KCNH5: variants seen among roughly 807,000 people sequenced by gnomAD.
The protein encoded by KCNH5 is potassium voltage-gated channel subfamily H member 5, also known as voltage-gated delayed rectifier potassium channel KCNH5.
Under a neutral mutation model 96.1 loss-of-function variants are expected in KCNH5, and 46 were observed. That is an observed-to-expected ratio of 0.48 (90% CI 0.38 to 0.61). KCNH5 has a LOEUF of 0.61. KCNH5 is among the 20% of genes least tolerant of loss of function. The probability of loss-of-function intolerance (pLI) is 0.00; values close to 1 mark genes in which losing one functional copy is unlikely to be tolerated. For missense variants in KCNH5, 907 were observed against 1,225.8 expected (o/e 0.74, Z 3.88); for synonymous variants, 439 against 449.8 (o/e 0.98, Z 0.30).
intron 7 of KCNH5, among the ~76,000 whole-genome samples, chr14:62,894,686 A>C (rs1888777145): frequency 6.6e-6 from 1 of 152,226 alleles, no homozygotes; most frequent in South Asian, 2.1e-4. Context: ...CATTTGCTGA[A>C]TTACAAGCAA....
chr14:62,827,653 T>C lies in KCNH5; in HGVS notation c.1569+22000A>G, dbSNP rs1887253933. On this transcript the variant is annotated intron_variant, in intron 8 of 10. Transcript: ENST00000322893. The stretch of plus-strand genomic sequence containing the variant: ...AAGAAGTCTGTTGTCAACTTTGTCA[T>C]TTTACTCTGTAAGTGACCAGGTTTT... 2.0e-5 allele frequency among the ~76,000 whole-genome samples: 3 copies of C among 152,322 alleles called. No individual in the cohort carries two copies. The South Asian group carries it at 6.2e-4, about 32-fold the overall frequency.
chr14:62,861,578 T>C (rs1888032956), intron 7 of KCNH5, among the ~76,000 whole-genome samples: 1 of 151,802 alleles, frequency 6.6e-6, no homozygotes, highest in Non-Finnish European at 1.5e-5. Flanking sequence ...TCTATTTTGT[T>C]TCTATTTTTT....
chr14:62,901,886 A>T (rs1348166450), intron 7 of KCNH5, among the ~76,000 whole-genome samples: 1 of 152,194 alleles, frequency 6.6e-6, no homozygotes, highest in Non-Finnish European at 1.5e-5. Flanking sequence ...CCTCACCAGC[A>T]TCTATTTTTA....
chr14:63,004,850 G>A (rs922342371), intron 3 of KCNH5, among the ~76,000 whole-genome samples: 1 of 152,102 alleles, frequency 6.6e-6, no homozygotes, highest in African/African-American at 2.4e-5. Context: ...CAGGAACTAT[G>A]GACTTGTCTT....
intron 7 of KCNH5, among the ~76,000 whole-genome samples, chr14:62,932,479 A>G (rs2140116780): frequency 6.6e-6 from 1 of 151,668 alleles, no homozygotes; most frequent in South Asian, 2.1e-4. Context: ...TGAGATTAAA[A>G]AAAAAAAAAA....
At chr14:62,908,827 T>C (rs867963519) in intron 7 of KCNH5, among the ~76,000 whole-genome samples, 1 of 128,162 alleles carries the variant, frequency 7.8e-6, no homozygotes, top group Middle Eastern at 4.1e-3. Context: ...GTAATAAATC[T>C]TAGTCATGAG....
chr14:62,779,858 A>C lies in KCNH5; in HGVS notation c.1889T>G (p.Val630Gly). The C allele has an allele frequency of 6.2e-7, 1 of 1,613,612 alleles. No homozygotes were observed. The highest frequency in any genetic ancestry group is 8.5e-7 in the Non-Finnish European group (1 of 1,179,748). Residue 630 changes from valine (V) to glycine (G), a missense_variant, in exon 10 of 11, where the codon GTC becomes GGC. Physicochemically the swap from Val to Gly is moderately radical, Grantham distance 109. This residue lies in a region of KCNH5 where 57 missense variants were observed against 76.0 expected (regional missense o/e 0.75). Transcript: ENST00000322893. ...ETTLAHACAN[V>G]RALTYCDLHI... The stretch of plus-strand genomic sequence containing the variant: ...TAGGTCACAGTACGTCAGTGCCCGG[A>C]CGTTCGCACATGCATGGGCAAGGGT...
At chr14:62,825,745 TTTTC>T (rs1033085072) in intron 8 of KCNH5, among the ~76,000 whole-genome samples, 46 of 151,954 alleles carry the variant, frequency 3.0e-4, no homozygotes, top group African/African-American at 4.6e-4. Flanking sequence ...TTCCTTTCTT[TTTTC>T]TTTCTGTCTC....
intron 1 of KCNH5, among the ~76,000 whole-genome samples, chr14:63,017,450 TAATTTAAAATAG>T (rs1460743519): frequency 6.6e-6 from 1 of 151,922 alleles, no homozygotes; most frequent in Non-Finnish European, 1.5e-5. Flanking sequence ...TTGAAAAGTC[TAATTTAAAATAG>T]AATTTAAAAG....
At chr14:63,022,764 T>A (rs1217476665) in intron 1 of KCNH5, among the ~76,000 whole-genome samples, 3 of 152,170 alleles carry the variant, frequency 2.0e-5, no homozygotes, top group African/African-American at 7.2e-5. Flanking sequence ...TTTATTTAGA[T>A]CTTAACTCAA....
At chr14:62,752,799 C>A (rs1885531155) in intron 10 of KCNH5, among the ~76,000 whole-genome samples, 1 of 152,126 alleles carries the variant, frequency 6.6e-6, no homozygotes, top group Admixed American at 6.5e-5. Flanking sequence ...GTTCCCCCTC[C>A]CTCTCTCTCC....
chr14:62,853,760 A>C (rs1227968687), intron 7 of KCNH5, among the ~76,000 whole-genome samples: 2 of 151,696 alleles, frequency 1.3e-5, no homozygotes, highest in African/African-American at 4.8e-5. Flanking sequence ...CTGTAATCTC[A>C]GCATTTTGGG....
intron 1 of KCNH5, among the ~76,000 whole-genome samples, chr14:63,032,246 C>T (rs748501264): frequency 1.3e-5 from 2 of 152,092 alleles, no homozygotes; most frequent in African/African-American, 4.8e-5. Flanking sequence ...CCACAGCTCT[C>T]GCTCTCAAAG....
intron 8 of KCNH5, among the ~76,000 whole-genome samples, chr14:62,817,629 T>A (rs1223340885): frequency 6.7e-6 from 1 of 150,210 alleles, no homozygotes; most frequent in Non-Finnish European, 1.5e-5. Flanking sequence ...TTTATTATGG[T>A]GCATATGTTG....
intron 7 of KCNH5, among the ~76,000 whole-genome samples, chr14:62,871,833 A>G (rs1210087917): frequency 1.9e-4 from 29 of 152,204 alleles, no homozygotes; most frequent in Non-Finnish European, 5.9e-5. Flanking sequence ...CTCTGCCTAC[A>G]TATCTCAGAA....
intron 10 of KCNH5, among the ~76,000 whole-genome samples, chr14:62,778,540 G>T (rs148785320): frequency 1.3e-5 from 2 of 152,180 alleles, no homozygotes; most frequent in Admixed American, 6.5e-5. Flanking sequence ...ACACATAAGT[G>T]AGAAACTTCC....
chr14:62,768,166 T>C (rs536030870), intron 10 of KCNH5, among the ~76,000 whole-genome samples: 25 of 152,250 alleles, frequency 1.6e-4, no homozygotes, highest in Non-Finnish European at 2.9e-4. Context: ...CTAAGCCATA[T>C]ACTCATATAA....
chr14:62,704,168 G>C lies in KCNH5; in HGVS notation c.*3340C>G, dbSNP rs1358701069. On this transcript the variant is annotated 3_prime_UTR_variant, in exon 11 of 11. Transcript: ENST00000322893. ...ACAACAGAAGTACACATTTTTTCTA[G>C]AGCAATTTCAAACCCCAGATTTTCC... 1 of 151,744 alleles carries C rather than the reference G, an allele frequency of 6.6e-6. No individual in the cohort carries two copies. The highest frequency in any genetic ancestry group is 1.5e-5 in the Non-Finnish European group (1 of 67,764). The allele number at this position is 151,744 out of a possible 1,614,324, so 9.4% of individuals were successfully genotyped here.
intron 7 of KCNH5, among the ~76,000 whole-genome samples, chr14:62,858,297 A>G (rs1887968691): frequency 6.6e-6 from 1 of 151,970 alleles, no homozygotes; most frequent in Non-Finnish European, 1.5e-5. Context: ...AGTGACCCAA[A>G]CCTTCATTCC....
Sources: gnomAD v4.1 joint callset for allele counts (sites outside exome capture counted in the v4.1 genomes callset) on GRCh38, gnomAD v4.1.1 for gene constraint, gnomAD v4.1.1 regional missense constraint, MANE v1.5 for transcripts, NCBI Gene and HGNC (gene_info 2026-07-23, HGNC 2026-07-21) for gene names.